MIPOL1: variants seen among roughly 807,000 people sequenced by gnomAD.
MIPOL1 encodes the protein mirror-image polydactyly 1, also known as mirror-image polydactyly gene 1 protein.
MIPOL1 carries 57 observed loss-of-function variants against 60.9 expected under a neutral mutation model. That is an observed-to-expected ratio of 0.94 (90% confidence interval 0.76 to 1.17). The LOEUF (loss-of-function observed/expected upper bound fraction) is 1.17. Ranked by LOEUF, MIPOL1 falls within the 50% of genes most tolerant of loss-of-function variation. MIPOL1 has a pLI of 0.00. For missense variants in MIPOL1, 551 were observed against 511.6 expected, an observed-to-expected ratio of 1.08 and a Z score of -0.74; for synonymous variants, 179 against 168.8, an observed-to-expected ratio of 1.06 and a Z score of -0.47.
At chr14:37,397,324 A>G (rs1011997299) in intron 10 of MIPOL1, among the ~76,000 whole-genome samples, 2 of 144,202 alleles carry the variant, frequency 1.4e-5, no homozygotes, top group South Asian at 2.3e-4. Flanking sequence ...TGTGATGTGA[A>G]CTGTCTATAG....
rs2086984084 is a variant in MIPOL1, at chr14:37,308,502, G to A, written c.811G>A (p.Asp271Asn). Residue 271 changes from aspartate to asparagine, a missense_variant, in exon 9 of 13, where the codon GAT becomes AAT. By Grantham distance (23) the Asp-to-Asn change is conservative. Coordinates refer to ENST00000684589, the MANE Select transcript of MIPOL1 (RefSeq NM_001388067.1). ...AATGAGTGCACTAATAGAAGAACGG[G>A]ATGCTGCCTTGTCTAAGGTAACTCT... ...EEMSALIEER[D>N]AALSKCKRLE... 3 of 1,583,974 alleles carry A rather than the reference G, an allele frequency of 1.9e-6. No homozygotes were observed. The highest frequency in any genetic ancestry group is 2.6e-6 in the Non-Finnish European group (3 of 1,168,752).
intron 11 of MIPOL1, among the ~76,000 whole-genome samples, chr14:37,433,125 A>G (rs910171205): frequency 2.6e-5 from 4 of 152,112 alleles, no homozygotes; most frequent in East Asian, 1.9e-4. Flanking sequence ...CAGTGGTGCA[A>G]TCATAGCTCA....
intron 10 of MIPOL1, among the ~76,000 whole-genome samples, chr14:37,384,051 C>G (rs1471904353): frequency 6.6e-6 from 1 of 151,902 alleles, no homozygotes; most frequent in Non-Finnish European, 1.5e-5. Context: ...ACACACTGCC[C>G]TTTCCTTGCT....
At chr14:37,523,029 TTAAG>T (rs2095424343) in intron 12 of MIPOL1, among the ~76,000 whole-genome samples, 1 of 152,088 alleles carries the variant, frequency 6.6e-6, no homozygotes, top group Non-Finnish European at 1.5e-5. Context: ...AAAATATCAT[TTAAG>T]TAACAATTTA....
chr14:37,314,240 G>T (rs959462286), intron 9 of MIPOL1, among the ~76,000 whole-genome samples: 3 of 152,066 alleles, frequency 2.0e-5, no homozygotes, highest in Admixed American at 1.3e-4. Flanking sequence ...GAAAAGTACA[G>T]ATCCAGAGAT....
chr14:37,447,534 A>G (rs118118765), intron 11 of MIPOL1, among the ~76,000 whole-genome samples: 1,577 of 152,290 alleles, frequency 0.01, 13 homozygotes, highest in Non-Finnish European at 0.017. Flanking sequence ...TAGCTTTCCA[A>G]TCATAGCTCC....
intron 1 of MIPOL1, among the ~76,000 whole-genome samples, chr14:37,212,694 C>CT (rs1260643985): frequency 6.6e-6 from 1 of 152,188 alleles, no homozygotes; most frequent in Non-Finnish European, 1.5e-5. Flanking sequence ...CTCCTGCTGA[C>CT]TGTAGAGTTC....
At chr14:37,459,811 A>G (rs1375954648) in intron 11 of MIPOL1, among the ~76,000 whole-genome samples, 1 of 152,168 alleles carries the variant, frequency 6.6e-6, no homozygotes, top group Non-Finnish European at 1.5e-5. Flanking sequence ...GTGGTGGCTC[A>G]TGCCTATAAT....
chr14:37,279,082 A>G (rs1158774682), intron 6 of MIPOL1, among the ~76,000 whole-genome samples: 6 of 151,558 alleles, frequency 4.0e-5, no homozygotes, highest in African/African-American at 9.7e-5. Flanking sequence ...TACCTACAAT[A>G]TAAGTATTTT....
At chr14:37,438,887 A>G (rs2094201526) in intron 11 of MIPOL1, among the ~76,000 whole-genome samples, 1 of 152,218 alleles carries the variant, frequency 6.6e-6, no homozygotes. Context: ...CAATCATAAC[A>G]GTTTATGTTT....
intron 11 of MIPOL1, among the ~76,000 whole-genome samples, chr14:37,465,910 A>G (rs1274547870): frequency 6.6e-6 from 1 of 152,190 alleles, no homozygotes; most frequent in Admixed American, 6.5e-5. Flanking sequence ...AAGTATTCTA[A>G]TAAAACTTAA....
At chr14:37,442,311 C>T (rs2094262430) in intron 11 of MIPOL1, among the ~76,000 whole-genome samples, 1 of 152,018 alleles carries the variant, frequency 6.6e-6, no homozygotes, top group Non-Finnish European at 1.5e-5. Flanking sequence ...ATCATATTGT[C>T]AACAAAGAGA....
intron 6 of MIPOL1, chr14:37,277,890 A>C (rs1377440768): frequency 6.6e-6 from 1 of 151,456 alleles, no homozygotes; most frequent in African/African-American, 2.4e-5. Flanking sequence ...ATCTTAGTTG[A>C]ATCACATATA....
chr14:37,523,729 T>C (rs568078656), intron 12 of MIPOL1, among the ~76,000 whole-genome samples: 68 of 152,302 alleles, frequency 4.5e-4, no homozygotes, highest in Admixed American at 1.0e-3. Flanking sequence ...TTGACCTCAC[T>C]GTACCTTGAC....
Position 37,308,104 on chromosome 14 carries a change from G to T in MIPOL1, c.657+15G>T. The T allele has an allele frequency of 6.2e-7, 1 of 1,607,268 alleles. No individual in the cohort carries two copies. The highest frequency in any genetic ancestry group is 1.7e-4 in the Middle Eastern group (1 of 6,014). ...AAAATGACATGGTAAGCCATTCTCT[G>T]AGGAGATTTCTTGATGTCAGTCTTA... On this transcript the variant is annotated intron_variant, in intron 8 of 12. Coordinates refer to ENST00000684589, the MANE Select transcript of MIPOL1 (RefSeq NM_001388067.1).
At chr14:37,249,923 C>CT (rs1455711474) in intron 3 of MIPOL1, among the ~76,000 whole-genome samples, 1 of 151,994 alleles carries the variant, frequency 6.6e-6, no homozygotes, top group Non-Finnish European at 1.5e-5. Flanking sequence ...ACCAAACGAT[C>CT]TTTAAGGAGT....
chr14:37,285,990 T>C (rs1302399582), intron 7 of MIPOL1, among the ~76,000 whole-genome samples: 1 of 152,206 alleles, frequency 6.6e-6, no homozygotes, highest in African/African-American at 2.4e-5. Flanking sequence ...TCACTCTCAA[T>C]ACAATTACTT....
chr14:37,229,350 T>G (rs148638462), intron 1 of MIPOL1, among the ~76,000 whole-genome samples: 2 of 152,154 alleles, frequency 1.3e-5, no homozygotes, highest in African/African-American at 2.4e-5. Context: ...TTTGCCATAT[T>G]GCTTATGCTG....
intron 9 of MIPOL1, among the ~76,000 whole-genome samples, chr14:37,318,824 T>TTTATTTGG (rs1300824602): frequency 5.4e-5 from 8 of 148,150 alleles, no homozygotes; most frequent in African/African-American, 2.0e-4. Flanking sequence ...TATTTATTTA[T>TTTATTTGG]TTAGTTAGTT....
Sources: allele counts gnomAD v4.1 joint callset (sites outside exome capture counted in the v4.1 genomes callset), GRCh38; gene constraint gnomAD v4.1.1; transcripts MANE v1.5; gene names NCBI Gene and HGNC (gene_info 2026-07-23, HGNC 2026-07-21).